The following BABAM2 variants were observed in gnomAD, a reference collection of about 807,000 sequenced individuals.
BABAM2 encodes the protein BRISC and BRCA1 A complex member 2.
BABAM2 carries 31 observed loss-of-function variants against 54.7 expected under a neutral mutation model. The ratio of observed to expected loss-of-function variants is 0.57; its 90% CI spans 0.43 to 0.77. The LOEUF (loss-of-function observed/expected upper bound fraction) is 0.77, where lower values mean the gene tolerates loss of function less well. Among genes scored for constraint, BABAM2 ranks in the 30% least tolerant of loss-of-function variants. The pLI, the probability that BABAM2 is intolerant of heterozygous loss-of-function variation, is 0.00. For synonymous variants in BABAM2, 167 were observed against 162.9 expected, an observed-to-expected ratio of 1.03 and a Z score of -0.19; for missense variants, 364 against 455.8, an observed-to-expected ratio of 0.80 and a Z score of 1.83.
intron 7 of BABAM2, among the ~76,000 whole-genome samples, chr2:28,192,233 A>G (rs1223265427): frequency 3.9e-5 from 6 of 151,944 alleles, no homozygotes; most frequent in Non-Finnish European, 5.9e-5. Context: ...ACGGGGTTTC[A>G]CCATGTTAGC....
At chr2:28,171,008 T>C (rs573787082) in intron 7 of BABAM2, among the ~76,000 whole-genome samples, 2 of 152,200 alleles carry the variant, frequency 1.3e-5, no homozygotes, top group South Asian at 4.1e-4. Context: ...CAGTCAGTTA[T>C]GTATGCGTGT....
intron 6 of BABAM2, among the ~76,000 whole-genome samples, chr2:28,065,474 T>C (rs1679243256): frequency 6.6e-6 from 1 of 152,116 alleles, no homozygotes; most frequent in Admixed American, 6.5e-5. Context: ...TCTGTTATTC[T>C]AAGCCTGAAT....
rs757026840 is a variant in BABAM2 at position 28,229,381 on chromosome 2, A to G, written c.681-7821A>G. Among the ~76,000 whole-genome samples the G allele has an allele frequency of 7.9e-5, 12 of 152,306 alleles. 1 individual carries two copies. The highest frequency in any genetic ancestry group is 1.3e-4 in the Admixed American group (2 of 15,302). On this transcript the variant is annotated intron_variant, in intron 7 of 11. Coordinates refer to ENST00000379624, the MANE Select transcript of BABAM2 (RefSeq NM_199191.3). ...TCTCATAGGTTGATATGAAGAATAGATGATATCATAGAGGAAAAGCACTTA... is the reference window on the plus strand; with the variant it reads ...TCTCATAGGTTGATATGAAGAATAGGTGATATCATAGAGGAAAAGCACTTA...
Position 28,272,034 on chromosome 2 carries a change from T to C in BABAM2, c.935-26304T>C, listed in dbSNP as rs183825342. 6.8e-4 allele frequency among the ~76,000 whole-genome samples: 104 copies of C among 152,270 alleles called. 2 individuals are homozygous for C. The highest frequency in any genetic ancestry group is 1.9e-3 in the African/African-American group (80 of 41,540). On this transcript the variant is annotated intron_variant, in intron 10 of 11. Coordinates refer to ENST00000379624, the MANE Select transcript of BABAM2 (RefSeq NM_199191.3). Reference sequence around the variant, plus strand: ...GAAGGGGAGGGGAAGGAGAGTTATGTTGGCTGGTAGAGAATTGGGAGAATT... The same window carrying C: ...GAAGGGGAGGGGAAGGAGAGTTATGCTGGCTGGTAGAGAATTGGGAGAATT...
chr2:28,204,962 T>C (rs2147966913), intron 7 of BABAM2, among the ~76,000 whole-genome samples: 1 of 152,046 alleles, frequency 6.6e-6, no homozygotes, highest in Non-Finnish European at 1.5e-5. Context: ...AAAAAGTTTT[T>C]TTTTAACTTT....
chr2:28,286,974 T>G (rs145689820), intron 10 of BABAM2, among the ~76,000 whole-genome samples: 29 of 152,332 alleles, frequency 1.9e-4, no homozygotes, highest in African/African-American at 6.5e-4. Flanking sequence ...GAACTTTTTT[T>G]TTTCTTCCTA....
intron 11 of BABAM2, among the ~76,000 whole-genome samples, chr2:28,313,239 CT>C (rs1689237817): frequency 6.6e-6 from 1 of 152,224 alleles, no homozygotes; most frequent in Non-Finnish European, 1.5e-5. Context: ...AGGTAACATG[CT>C]TCTGTGGCCA....
intron 7 of BABAM2, among the ~76,000 whole-genome samples, chr2:28,132,454 G>C (rs148001793): frequency 2.0e-5 from 3 of 152,002 alleles, no homozygotes; most frequent in Non-Finnish European, 2.9e-5. Flanking sequence ...TCTTTCTTAC[G>C]TTAAGAGCTC....
chr2:28,016,232 C>T, intron 4 of BABAM2: 1 of 920,944 alleles, frequency 1.1e-6, no homozygotes, highest in South Asian at 1.4e-5. Flanking sequence ...TGAGCTCTCA[C>T]TTGCACTTAA....
chr2:27,962,634 G>T (rs1670552020), intron 3 of BABAM2, among the ~76,000 whole-genome samples: 1 of 152,136 alleles, frequency 6.6e-6, no homozygotes, highest in African/African-American at 2.4e-5. Flanking sequence ...GGATCAGAAA[G>T]AAATTTGATA....
At chr2:28,254,092 C>T (rs1683739844) in intron 10 of BABAM2, among the ~76,000 whole-genome samples, 1 of 152,166 alleles carries the variant, frequency 6.6e-6, no homozygotes, top group South Asian at 2.1e-4. Flanking sequence ...AGGTCAAATG[C>T]CTCCTGAGAA....
intron 3 of BABAM2, among the ~76,000 whole-genome samples, chr2:27,985,370 C>T (rs1672328282): frequency 6.6e-6 from 1 of 152,086 alleles, no homozygotes; most frequent in African/African-American, 2.4e-5. Context: ...CCTTTCACCA[C>T]ATCTGCGCCA....
chr2:28,121,696 C>A (rs75383061), intron 6 of BABAM2, among the ~76,000 whole-genome samples: 1,996 of 152,090 alleles, frequency 0.013, 42 homozygotes, highest in African/African-American at 0.046. Context: ...TTTAATTTTT[C>A]TCTATAACAT....
intron 7 of BABAM2, among the ~76,000 whole-genome samples, chr2:28,208,647 T>C (rs1679136731): frequency 6.6e-6 from 1 of 151,742 alleles, no homozygotes; most frequent in Admixed American, 6.6e-5. Flanking sequence ...TTCTTTCCTT[T>C]CTTTTCTTTC....
intron 3 of BABAM2, among the ~76,000 whole-genome samples, chr2:27,950,176 T>A (rs7595847): frequency 0.65 from 99,479 of 152,010 alleles, 34,217 homozygotes; most frequent in Middle Eastern, 0.8. Context: ...ACAAAAAATA[T>A]CAGGTTGAAG....
At chr2:28,272,180 C>A (rs1002405163) in intron 10 of BABAM2, among the ~76,000 whole-genome samples, 3 of 152,166 alleles carry the variant, frequency 2.0e-5, no homozygotes, top group African/African-American at 4.8e-5. Context: ...CAAAAAGCAA[C>A]AATGAAGGTC....
intron 6 of BABAM2, among the ~76,000 whole-genome samples, chr2:28,047,146 A>G (rs1558685159): frequency 6.6e-6 from 1 of 152,130 alleles, no homozygotes; most frequent in Non-Finnish European, 1.5e-5. Flanking sequence ...TCCATTTTGT[A>G]CCCAAGAGTT....
At chr2:28,028,862 G>C (rs1367771575) in intron 5 of BABAM2, among the ~76,000 whole-genome samples, 1 of 152,136 alleles carries the variant, frequency 6.6e-6, no homozygotes, top group Non-Finnish European at 1.5e-5. Context: ...CGCCTCCTGG[G>C]TTCAAGCAAT....
In BABAM2 at chr2:28,068,786, G is replaced by A. The variant is rs117895924; in HGVS notation, c.570+22987G>A. 1.3e-3 allele frequency among the ~76,000 whole-genome samples: 201 copies of A among 152,064 alleles called. 6 individuals are homozygous for A. The East Asian group carries it at 0.037, about 28-fold the overall frequency. On this transcript the variant is annotated intron_variant, in intron 6 of 11. Transcript: ENST00000379624. ...CCGTTGACTTTCAACATATGGCCCC[G>A]ACACCGACATATCTTATAGTTTTTA...
Sources: gnomAD v4.1 joint callset for allele counts (sites outside exome capture counted in the v4.1 genomes callset) on GRCh38, gnomAD v4.1.1 for gene constraint, MANE v1.5 for transcripts, NCBI Gene and HGNC (gene_info 2026-07-23, HGNC 2026-07-21) for gene names.